CDH18: variants seen among roughly 807,000 people sequenced by gnomAD.
CDH18 encodes the protein cadherin-18.
In CDH18, 31 loss-of-function variants were observed where a neutral mutation model predicts 67.9. That is an observed-to-expected ratio of 0.46 (90% confidence interval 0.34 to 0.62). CDH18 has a LOEUF of 0.62. Ranked by LOEUF, CDH18 falls within the 20% of genes least tolerant of loss-of-function variation. CDH18 has a pLI of 0.01. For synonymous variants in CDH18, 362 were observed against 347.2 expected, an observed-to-expected ratio of 1.04 and a Z score of -0.48; for missense variants, 890 against 975.5, an observed-to-expected ratio of 0.91 and a Z score of 1.17.
intron 10 of CDH18, among the ~76,000 whole-genome samples, chr5:19,508,823 C>T (rs1198518748): frequency 6.7e-5 from 10 of 150,298 alleles, no homozygotes; most frequent in African/African-American, 2.4e-4. Context: ...AATGAACTTG[C>T]TTGGCTTAAG....
intron 3 of CDH18, among the ~76,000 whole-genome samples, chr5:19,797,960 T>C (rs141626733): frequency 1.1e-3 from 163 of 152,180 alleles, no homozygotes; most frequent in African/African-American, 3.8e-3. Flanking sequence ...CAGTGTGGTG[T>C]TGCAGAGAGA....
intron 2 of CDH18, among the ~76,000 whole-genome samples, chr5:20,237,520 T>C (rs1298120674): frequency 6.6e-6 from 1 of 152,034 alleles, no homozygotes; most frequent in African/African-American, 2.4e-5. Flanking sequence ...TATTTTGTGA[T>C]ATCAACAAAG....
At chr5:19,942,164 T>C (rs891274357) in intron 2 of CDH18, among the ~76,000 whole-genome samples, 1 of 152,152 alleles carries the variant, frequency 6.6e-6, no homozygotes. Flanking sequence ...TGACAGGGGA[T>C]GATGTTCCAT....
intron 1 of CDH18, among the ~76,000 whole-genome samples, chr5:20,405,106 C>A (rs1255688385): frequency 1.3e-5 from 2 of 151,888 alleles, no homozygotes; most frequent in Non-Finnish European, 2.9e-5. Flanking sequence ...CATATGGAAC[C>A]AAAAAAGAGC....
intron 2 of CDH18, among the ~76,000 whole-genome samples, chr5:19,944,761 C>T (rs1234497711): frequency 6.6e-6 from 1 of 151,880 alleles, no homozygotes; most frequent in East Asian, 1.9e-4. Context: ...TTGGTAGCTC[C>T]CTCTAACTTT....
chr5:20,175,408 T>C (rs942212182), intron 2 of CDH18, among the ~76,000 whole-genome samples: 1 of 152,136 alleles, frequency 6.6e-6, no homozygotes, highest in Non-Finnish European at 1.5e-5. Flanking sequence ...GTTGATACTG[T>C]TACCTTTCCT....
At chr5:19,924,474 A>T (rs1271170670) in intron 2 of CDH18, among the ~76,000 whole-genome samples, 6 of 151,928 alleles carry the variant, frequency 3.9e-5, no homozygotes, top group Admixed American at 3.9e-4. Flanking sequence ...CCATCTCTGG[A>T]GTTTAGCTCG....
chr5:20,087,856 T>A (rs556733081), intron 2 of CDH18, among the ~76,000 whole-genome samples: 1 of 152,264 alleles, frequency 6.6e-6, no homozygotes, highest in African/African-American at 2.4e-5. Context: ...CTGAGATATG[T>A]CTGTAACTTA....
At chr5:20,522,746 T>A (rs1426033381) in intron 1 of CDH18, among the ~76,000 whole-genome samples, 1 of 152,204 alleles carries the variant, frequency 6.6e-6, no homozygotes, top group Non-Finnish European at 1.5e-5. Flanking sequence ...GTTCTTAGGA[T>A]AATCTAAAAC....
intron 3 of CDH18, among the ~76,000 whole-genome samples, chr5:19,764,624 C>CATATATAT (rs72234101): frequency 6.8e-6 from 1 of 146,030 alleles, no homozygotes; most frequent in African/African-American, 2.5e-5. Flanking sequence ...TCTATTTCTT[C>CATATATAT]ATATATATAT....
At chr5:19,688,949 T>G (rs915604930) in intron 5 of CDH18, among the ~76,000 whole-genome samples, 1 of 152,024 alleles carries the variant, frequency 6.6e-6, no homozygotes, top group African/African-American at 2.4e-5. Flanking sequence ...AATAAAGAAT[T>G]TTAGAATTTA....
chr5:19,683,103 C>CTCTATCTACTATCTA (rs1554001961), intron 5 of CDH18, among the ~76,000 whole-genome samples: 1 of 149,050 alleles, frequency 6.7e-6, no homozygotes, highest in Non-Finnish European at 1.5e-5. Flanking sequence ...CAACATATAA[C>CTCTATCTACTATCTA]TCTATCTATC....
intron 1 of CDH18, among the ~76,000 whole-genome samples, chr5:20,370,991 C>T (rs1010982799): frequency 6.6e-6 from 1 of 151,066 alleles, no homozygotes; most frequent in Non-Finnish European, 1.5e-5. Context: ...GAGCTGAGAT[C>T]GCACCATTGC....
At chr5:19,858,971 A>C (rs1011468551) in intron 2 of CDH18, among the ~76,000 whole-genome samples, 1 of 152,296 alleles carries the variant, frequency 6.6e-6, no homozygotes, top group South Asian at 2.1e-4. Context: ...AAAATGAAAA[A>C]AAAACTATTT....
chr5:19,607,596 A>G (rs910026709), intron 6 of CDH18, among the ~76,000 whole-genome samples: 1 of 151,498 alleles, frequency 6.6e-6, no homozygotes, highest in Non-Finnish European at 1.5e-5. Context: ...AAGATTAGCC[A>G]AATAGCAAAT....
At chr5:20,557,778 A>G (rs1757983035) in intron 1 of CDH18, among the ~76,000 whole-genome samples, 2 of 152,116 alleles carry the variant, frequency 1.3e-5, no homozygotes, top group Non-Finnish European at 2.9e-5. Flanking sequence ...TAGAAATTAC[A>G]AAGACAAAGA....
intron 1 of CDH18, among the ~76,000 whole-genome samples, chr5:20,553,245 G>C (rs1300318884): frequency 6.6e-6 from 1 of 152,078 alleles, no homozygotes; most frequent in African/African-American, 2.4e-5. Flanking sequence ...ATCTGGGCAT[G>C]TTTTATCTTT....
chr5:19,791,763 C>G (rs536462437), intron 3 of CDH18, among the ~76,000 whole-genome samples: 1 of 152,132 alleles, frequency 6.6e-6, no homozygotes, highest in Admixed American at 6.5e-5. Flanking sequence ...TTTCAAACTC[C>G]GAATGTGAAT....
At chr5:19,661,392 A>C (rs1204059473) in intron 5 of CDH18, among the ~76,000 whole-genome samples, 1 of 151,988 alleles carries the variant, frequency 6.6e-6, no homozygotes, top group Non-Finnish European at 1.5e-5. Context: ...GTGTGCTTGT[A>C]AATCAAAAAG....
Sources: gnomAD v4.1 joint callset for allele counts (sites outside exome capture counted in the v4.1 genomes callset) on GRCh38, gnomAD v4.1.1 for gene constraint, MANE v1.5 for transcripts, NCBI Gene and HGNC (gene_info 2026-07-23, HGNC 2026-07-21) for gene names.